Variants in PCDH15 observed in about 807,000 individuals in gnomAD.
PCDH15 encodes the protein protocadherin-15.
A neutral mutation model predicts 178.5 loss-of-function variants in PCDH15; 129 were observed. The observed-to-expected ratio is 0.72, with a 90% confidence interval of 0.63 to 0.84. The LOEUF (loss-of-function observed/expected upper bound fraction) is 0.84, where lower values mean the gene tolerates loss of function less well. Ranked by LOEUF, PCDH15 falls within the 40% of genes least tolerant of loss-of-function variation. The pLI, the probability that PCDH15 is intolerant of heterozygous loss-of-function variation, is 0.00. For missense variants in PCDH15, 2,230 were observed against 2,099.9 expected, an observed-to-expected ratio of 1.06 and a Z score of -1.21; for synonymous variants, 800 against 732.0, an observed-to-expected ratio of 1.09 and a Z score of -1.50.
intron 2 of PCDH15, among the ~76,000 whole-genome samples, chr10:54,638,489 C>T (rs1051849367): frequency 1.8e-4 from 28 of 152,038 alleles, no homozygotes; most frequent in African/African-American, 6.8e-4. Flanking sequence ...TCAGTAATAA[C>T]TAAAATCCTA....
chr10:54,716,421 C>T lies in PCDH15; in HGVS notation c.-28-52131G>A, dbSNP rs566840586. 3.9e-5 allele frequency among the ~76,000 whole-genome samples: 6 copies of T among 152,204 alleles called. No homozygotes were observed. The South Asian group carries it at 1.2e-3, about 32-fold the overall frequency. Reference sequence around the variant, plus strand: ...GGAATGTTCTTCCATTTGTTTGTATCCTCTTTAATTTCATTGAGCAGTGGT... The same window carrying T: ...GGAATGTTCTTCCATTTGTTTGTATTCTCTTTAATTTCATTGAGCAGTGGT... On this transcript the variant is annotated intron_variant, in intron 1 of 37. Transcript: ENST00000644397.
chr10:55,013,950 C>A (rs998226340), intron 2 of PCDH15, among the ~76,000 whole-genome samples: 6 of 152,012 alleles, frequency 3.9e-5, no homozygotes, highest in Non-Finnish European at 2.9e-5. Context: ...ATCTTCTAGT[C>A]TCTATGAATT....
chr10:55,285,221 T>C lies in PCDH15; in HGVS notation c.-156+34378A>G, dbSNP rs1482282832. On this transcript the variant is annotated intron_variant, in intron 1 of 5. Coordinates refer to the PCDH15 transcript ENST00000458638. ...CAAGTTTACCATATAAACTTGTATTTATATGGTAAATATAAATACAATATA... is the reference window on the plus strand; with the variant it reads ...CAAGTTTACCATATAAACTTGTATTCATATGGTAAATATAAATACAATATA... Among the ~76,000 whole-genome samples the C allele has an allele frequency of 2.7e-5, 4 of 150,138 alleles. No homozygotes were observed. In the East Asian group the frequency reaches 7.9e-4, roughly 30 times the overall value.
rs748170240 is a variant in PCDH15, at chr10:54,195,829, C to T, written c.1159G>A (p.Asp387Asn). The T allele has an allele frequency of 6.2e-7, 1 of 1,613,954 alleles. No homozygotes were observed. The highest frequency in any genetic ancestry group is 1.1e-5 in the South Asian group (1 of 91,076). Reference sequence around the variant, plus strand: ...AAATATGGACTTTGATTGTTTTCATCCAGTATTTCAATGTGTAGACCGGCA... The same window carrying T: ...AAATATGGACTTTGATTGTTTTCATTCAGTATTTCAATGTGTAGACCGGCA... The part of the protein sequence containing the change: ...AFAGLHIEIL[D>N]ENNQSPYFTM... The change falls in exon 11 of 38, where the codon GAT (aspartate) becomes AAT (asparagine). Residue 387 changes from aspartate (D) to asparagine (N), a missense_variant. Transcript: ENST00000644397.
intron 2 of PCDH15, among the ~76,000 whole-genome samples, chr10:55,615,331 C>T (rs1452124261): frequency 6.6e-6 from 1 of 152,052 alleles, no homozygotes; most frequent in African/African-American, 2.4e-5. Flanking sequence ...CAATAAAAAT[C>T]ACTTACTCAT....
intron 18 of PCDH15, among the ~76,000 whole-genome samples, chr10:54,062,595 A>G (rs2094053201): frequency 2.0e-5 from 3 of 152,096 alleles, no homozygotes; most frequent in South Asian, 2.1e-4. Context: ...TTTGCTTTCA[A>G]CATCGTTTTA....
intron 3 of PCDH15, among the ~76,000 whole-genome samples, chr10:54,824,912 G>T (rs1013371613): frequency 6.6e-6 from 1 of 151,928 alleles, no homozygotes; most frequent in Non-Finnish European, 1.5e-5. Flanking sequence ...TAGGGTACAT[G>T]TGCACAATGT....
chr10:55,360,657 G>T (rs1845205685), intron 2 of PCDH15, among the ~76,000 whole-genome samples: 1 of 151,884 alleles, frequency 6.6e-6, no homozygotes, highest in Admixed American at 6.6e-5. Flanking sequence ...ACTACAATAG[G>T]ATATCTCTAT....
chr10:54,663,443 A>G (rs1055361549), intron 2 of PCDH15, among the ~76,000 whole-genome samples: 1 of 148,358 alleles, frequency 6.7e-6, no homozygotes, highest in East Asian at 1.9e-4. Flanking sequence ...ATAAATATAT[A>G]TATAACATAT....
intron 3 of PCDH15, among the ~76,000 whole-genome samples, chr10:54,882,010 C>T (rs1954272375): frequency 6.6e-6 from 1 of 152,050 alleles, no homozygotes; most frequent in African/African-American, 2.4e-5. Flanking sequence ...TTGTTCCCAT[C>T]TATATTGTCA....
chr10:54,303,478 A>G (rs1272534123), intron 8 of PCDH15, among the ~76,000 whole-genome samples: 1 of 152,058 alleles, frequency 6.6e-6, no homozygotes, highest in African/African-American at 2.4e-5. Context: ...AGATGTTAGT[A>G]TGTGGAAATG....
chr10:54,610,134 T>C (rs1420264294), intron 2 of PCDH15, among the ~76,000 whole-genome samples: 1 of 151,900 alleles, frequency 6.6e-6, no homozygotes, highest in African/African-American at 2.4e-5. Context: ...GCTGTTGAGC[T>C]CATACTCTTG....
chr10:54,803,417 G>T (rs1164711807), upstream of PCDH15, among the ~76,000 whole-genome samples: 1 of 152,088 alleles, frequency 6.6e-6, no homozygotes, highest in Non-Finnish European at 1.5e-5. Context: ...CCTTAATCAA[G>T]GTCTTGAGTT....
At chr10:55,014,864 A>C (rs941237780) in intron 2 of PCDH15, among the ~76,000 whole-genome samples, 3 of 152,196 alleles carry the variant, frequency 2.0e-5, no homozygotes, top group African/African-American at 7.2e-5. Flanking sequence ...GAAATACTTA[A>C]AACTATTGTG....
intron 1 of PCDH15, among the ~76,000 whole-genome samples, chr10:55,199,024 T>C (rs1483844434): frequency 6.6e-6 from 1 of 151,940 alleles, no homozygotes; most frequent in Non-Finnish European, 1.5e-5. Context: ...TCACAGAAAA[T>C]TGGTACTAGG....
chr10:54,775,810 C>T (rs536657294), intron 1 of PCDH15, among the ~76,000 whole-genome samples: 113 of 152,164 alleles, frequency 7.4e-4, no homozygotes, highest in African/African-American at 2.5e-3. Flanking sequence ...GGCGTGAACC[C>T]GGGAGGCGGA....
chr10:53,809,677 A>G, intron 37 of PCDH15: 1 of 850,792 alleles, frequency 1.2e-6, no homozygotes, highest in African/African-American at 1.7e-5. Flanking sequence ...TGGCTTAAGA[A>G]AATAATCACA....
At chr10:54,008,653 G>A (rs1332332040) in intron 20 of PCDH15, among the ~76,000 whole-genome samples, 1 of 152,128 alleles carries the variant, frequency 6.6e-6, no homozygotes, top group Non-Finnish European at 1.5e-5. Context: ...CAGAGAAAAG[G>A]CCACACCATT....
chr10:53,825,764 AATAG>A (rs199646788), intron 32 of PCDH15, among the ~76,000 whole-genome samples: 129 of 151,544 alleles, frequency 8.5e-4, no homozygotes, highest in Middle Eastern at 6.6e-3. Context: ...AAAGTTCTTG[AATAG>A]ATAGATAGGT....
Sources: allele counts gnomAD v4.1 joint callset (sites outside exome capture counted in the v4.1 genomes callset), GRCh38; gene constraint gnomAD v4.1.1; transcripts MANE v1.5; gene names NCBI Gene and HGNC (gene_info 2026-07-23, HGNC 2026-07-21).